Variants in SPSB1 observed in about 807,000 individuals in gnomAD.
SPSB1 encodes splA/ryanodine receptor domain and SOCS box containing 1, also known as SPRY domain-containing SOCS box protein 1.
In SPSB1, 8 loss-of-function variants were observed where a neutral mutation model predicts 21.2. The ratio of observed to expected loss-of-function variants is 0.38; its 90% confidence interval spans 0.22 to 0.68. The LOEUF is 0.68. Ranked by LOEUF, SPSB1 falls within the 30% of genes least tolerant of loss-of-function variation. The pLI, the probability that SPSB1 is intolerant of heterozygous loss-of-function variation, is 0.53. For missense variants in SPSB1, 242 were observed against 377.8 expected (o/e 0.64, Z 2.98); for synonymous variants, 169 against 161.7 (o/e 1.05, Z -0.34).
chr1:9,342,614 C>G (rs562600619), intron 1 of SPSB1, among the ~76,000 whole-genome samples: 9 of 152,192 alleles, frequency 5.9e-5, no homozygotes, highest in African/African-American at 1.7e-4. Flanking sequence ...ACCCTGACAT[C>G]GGTTCTCCCA....
At chr1:9,313,776 C>G (rs1484529666) in intron 1 of SPSB1, among the ~76,000 whole-genome samples, 1 of 152,244 alleles carries the variant, frequency 6.6e-6, no homozygotes, top group Non-Finnish European at 1.5e-5. Flanking sequence ...GCTTCAGTGG[C>G]TGGCCCTCAG....
intron 1 of SPSB1, among the ~76,000 whole-genome samples, chr1:9,331,534 G>A (rs745779011): frequency 2.6e-5 from 4 of 152,016 alleles, no homozygotes; most frequent in Non-Finnish European, 4.4e-5. Context: ...GTTTCATCAT[G>A]TTGACCAGGC....
rs984372682 is a variant in SPSB1 at position 9,331,330 on chromosome 1, T to TG, written c.-149-24413_-149-24412insG. Among the ~76,000 whole-genome samples, 26 of 140,734 alleles carry TG rather than the reference T, an allele frequency of 1.8e-4. 1 individual carries two copies. The highest frequency in any genetic ancestry group is 4.0e-4 in the Non-Finnish European group (26 of 64,988). The allele number at this position is 140,734 out of a possible 152,430, so 92.3% of individuals were successfully genotyped here. A position where few individuals can be genotyped will look rare whatever the true frequency, so the allele number is the denominator to read the frequency against. On this transcript the variant is annotated intron_variant, in intron 1 of 2. Coordinates refer to ENST00000328089, the MANE Select transcript of SPSB1 (RefSeq NM_025106.4). ...TGCTACTGGTGCTCTTGTTTTTTTT[T>TG]TTTTTTTTTTTTTTTTTGAGGTGGA...
In SPSB1 at chr1:9,348,255, T is replaced by C. The variant is rs116298920; in HGVS notation, c.-149-7488T>C. On this transcript the variant is annotated intron_variant, in intron 1 of 2. Coordinates refer to ENST00000328089, the MANE Select transcript of SPSB1 (RefSeq NM_025106.4). This position sits in a 1 kb window ranked among gnomAD's most constrained non-coding sequence, Gnocchi z 4.8. ...CCACCGCGGCAACTTTTTTTAACCC[T>C]GGGCATCCCACAGCACTGTCTCGCT... Among the ~76,000 whole-genome samples, 1,808 of 151,988 alleles carry C rather than the reference T, an allele frequency of 0.012. 26 individuals are homozygous for C. Among genetic ancestry groups the C allele is most frequent in the African/African-American group, 0.039 (1,635 of 41,468 alleles).
rs1640469115 is a variant in SPSB1, at chr1:9,361,159, T to TTTTTTTTTTTTTTTTTTTTTC, written c.694+4594_694+4595insCTTTTTTTTTTTTTTTTTTTT. On this transcript the variant is annotated intron_variant, in intron 2 of 2. Coordinates refer to ENST00000328089, the MANE Select transcript of SPSB1 (RefSeq NM_025106.4). ...GCATGGCTGGATCTGTCATTTTCTT[T>TTTTTTTTTTTTTTTTTTTTTC]TTTTTTTTTTTTTTTTTTTTTTTTA... is the stretch of plus-strand genomic sequence containing the variant. 5.4e-4 allele frequency among the ~76,000 whole-genome samples: 18 copies of TTTTTTTTTTTTTTTTTTTTTC among 33,228 alleles called. 1 individual carries two copies. Among genetic ancestry groups the TTTTTTTTTTTTTTTTTTTTTC allele is most frequent in the South Asian group, 4.3e-3 (4 of 930 alleles). 21.8% of individuals were successfully genotyped at this position (33,228 alleles called of 152,430 possible).
intron 1 of SPSB1, among the ~76,000 whole-genome samples, chr1:9,331,879 A>G (rs950576152): frequency 6.6e-6 from 1 of 152,082 alleles, no homozygotes; most frequent in Non-Finnish European, 1.5e-5. Flanking sequence ...TTCTTTTCCT[A>G]CAAGTTTACT....
At chr1:9,349,946 A>G (rs1303175628) in intron 1 of SPSB1, among the ~76,000 whole-genome samples, 4 of 152,104 alleles carry the variant, frequency 2.6e-5, no homozygotes, top group Non-Finnish European at 5.9e-5. Context: ...ATACACACAC[A>G]CAGACACACG....
At chr1:9,298,385 A>AAT (rs1469620388) in intron 1 of SPSB1, among the ~76,000 whole-genome samples, 6 of 61,718 alleles carry the variant, frequency 9.7e-5, no homozygotes, top group South Asian at 1.2e-3. Context: ...TGAATGAATG[A>AAT]GTGAATGAAT....
rs946340600 is a variant in SPSB1 at position 9,363,115 on chromosome 1, G to A, written c.695-4333G>A. On this transcript the variant is annotated intron_variant, in intron 2 of 2. Transcript: ENST00000328089. The surrounding 1 kb of genome is among the most constrained non-coding windows in gnomAD (Gnocchi z 4.5). ...AAATGGGGGCTGGGCATTTTTTCAC[G>A]GCACGAAGCCCACGTCTGTTTCTGT... Among the ~76,000 whole-genome samples, 41 of 152,110 alleles carry A rather than the reference G, an allele frequency of 2.7e-4. No homozygotes were observed. Among genetic ancestry groups the A allele is most frequent in the Admixed American group, 1.8e-3 (28 of 15,282 alleles).
chr1:9,349,795 AC>A (rs1640227102), intron 1 of SPSB1, among the ~76,000 whole-genome samples: 1 of 151,820 alleles, frequency 6.6e-6, no homozygotes, highest in Non-Finnish European at 1.5e-5. Context: ...TTCTCTCTTG[AC>A]CCTTCCTGAT....
At chr1:9,308,365 C>A (rs1419450925) in intron 1 of SPSB1, among the ~76,000 whole-genome samples, 1 of 152,116 alleles carries the variant, frequency 6.6e-6, no homozygotes, top group African/African-American at 2.4e-5. Flanking sequence ...CCCAGGGCCC[C>A]CGGAGCCACG....
intron 1 of SPSB1, among the ~76,000 whole-genome samples, chr1:9,314,212 G>A (rs535009399): frequency 3.3e-5 from 5 of 151,484 alleles, no homozygotes; most frequent in South Asian, 2.1e-4. Flanking sequence ...AACAGTGAAC[G>A]GGACAGCTGG....
At chr1:9,335,730 C>T (rs572725130) in intron 1 of SPSB1, among the ~76,000 whole-genome samples, 22 of 152,100 alleles carry the variant, frequency 1.4e-4, no homozygotes, top group Admixed American at 8.5e-4. Flanking sequence ...AGCACTTGAG[C>T]CCAGAAGGTT....
chr1:9,362,179 ACCCT>A (rs57888220), intron 2 of SPSB1, among the ~76,000 whole-genome samples: 272 of 138,350 alleles, frequency 2.0e-3, no homozygotes, highest in African/African-American at 6.7e-3. Context: ...AGGGCCACCC[ACCCT>A]CCCTCCCTCC....
chr1:9,349,922 G>A (rs1389993687), intron 1 of SPSB1, among the ~76,000 whole-genome samples: 1 of 152,058 alleles, frequency 6.6e-6, no homozygotes, highest in African/African-American at 2.4e-5. Context: ...TAGAGCTCCT[G>A]TACATACATA....
intron 2 of SPSB1, among the ~76,000 whole-genome samples, chr1:9,360,763 A>G (rs1640458834): frequency 6.6e-6 from 1 of 152,208 alleles, no homozygotes; most frequent in Admixed American, 6.5e-5. Flanking sequence ...CCCTCGTCAT[A>G]ATGAAGTACA....
In SPSB1 at chr1:9,293,153, G is replaced by C. The variant is rs1475391309; in HGVS notation, c.-150+82G>C. 8 of 971,290 alleles carry C rather than the reference G, an allele frequency of 8.2e-6. No individual in the cohort carries two copies. The African/African-American group carries it at 1.4e-4, about 17-fold the overall frequency. The allele number at this position is 971,290 out of a possible 1,614,324, so 60.2% of individuals were successfully genotyped here. On this transcript the variant is annotated intron_variant, in intron 1 of 2. Transcript: ENST00000328089. This position sits in a 1 kb window ranked among gnomAD's most constrained non-coding sequence, Gnocchi z 5.1. ...GAGGCGCGGGGGGCCGGGCGAGGGC[G>C]GACGCGGGGATCGCGCCGCTGGGGG...
intron 1 of SPSB1, among the ~76,000 whole-genome samples, chr1:9,316,941 C>T (rs1639626740): frequency 6.6e-6 from 1 of 152,188 alleles, no homozygotes; most frequent in Non-Finnish European, 1.5e-5. Context: ...GCCTGGTGCT[C>T]TCCTTCTGAT....
chr1:9,347,895 A>G (rs1184043750), intron 1 of SPSB1, among the ~76,000 whole-genome samples: 16 of 150,554 alleles, frequency 1.1e-4, no homozygotes. Flanking sequence ...ACACACCCAC[A>G]GTGTGTAGGA....
Sources: gnomAD v4.1 joint callset for allele counts (sites outside exome capture counted in the v4.1 genomes callset) on GRCh38, gnomAD v4.1.1 for gene constraint, Gnocchi (gnomAD v3.1) non-coding constraint, MANE v1.5 for transcripts, NCBI Gene and HGNC (gene_info 2026-07-23, HGNC 2026-07-21) for gene names.